CPVL: variants seen among roughly 807,000 people sequenced by gnomAD.
CPVL encodes carboxypeptidase vitellogenic like, also known as probable serine carboxypeptidase CPVL.
In CPVL, 51 loss-of-function variants were observed where a neutral mutation model predicts 63.7. That is an observed-to-expected ratio of 0.80 (90% CI 0.64 to 1.01). The LOEUF is 1.01. Among genes scored for constraint, CPVL ranks in the 50% least tolerant of loss-of-function variants. The probability of loss-of-function intolerance (pLI) is 0.00; values close to 1 mark genes in which losing one functional copy is unlikely to be tolerated. For synonymous variants in CPVL, 195 were observed against 206.0 expected (o/e 0.95, Z 0.46); for missense variants, 530 against 573.1 (o/e 0.92, Z 0.77).
Position 29,066,144 on chromosome 7 carries a change from A to T in CPVL, c.865-23T>A, listed in dbSNP as rs1312028879. ...TATCTAGGTTGGGAGAGAGGGAGAAAGAAAGAAAGAAAGAAAACATCAGTG... is the reference window on the plus strand; with the variant it reads ...TATCTAGGTTGGGAGAGAGGGAGAATGAAAGAAAGAAAGAAAACATCAGTG... On this transcript the variant is annotated intron_variant, in intron 9 of 12. Transcript: ENST00000265394. 4.4e-6 allele frequency: 5 copies of T among 1,138,788 alleles called. No homozygotes were observed. The East Asian group carries it at 7.1e-5, about 16-fold the overall frequency. 70.5% of individuals were successfully genotyped at this position (1,138,788 alleles called of 1,614,324 possible).
At chr7:29,044,073 T>C (rs1408147974) in intron 11 of CPVL, among the ~76,000 whole-genome samples, 1 of 152,138 alleles carries the variant, frequency 6.6e-6, no homozygotes, top group African/African-American at 2.4e-5. Flanking sequence ...CCATCTGATG[T>C]GTGACCGTGA....
At chr7:29,106,019 A>G (rs1787682855) in intron 3 of CPVL, among the ~76,000 whole-genome samples, 1 of 152,212 alleles carries the variant, frequency 6.6e-6, no homozygotes, top group Admixed American at 6.5e-5. Context: ...GCTGCTGTCC[A>G]GACCTCGGTG....
At chr7:29,063,966 TAA>T (rs373756974) in intron 11 of CPVL, 93 bp downstream of exon 11, 6,281 of 673,134 alleles carry the variant, frequency 9.3e-3, no homozygotes, top group South Asian at 0.014. Flanking sequence ...TCATAAAAGT[TAA>T]AAAAAAAAAA....
At chr7:29,074,630 A>C (rs754386487) in intron 7 of CPVL, among the ~76,000 whole-genome samples, 4 of 151,724 alleles carry the variant, frequency 2.6e-5, no homozygotes, top group Non-Finnish European at 5.9e-5. Flanking sequence ...AGGTGATTGG[A>C]TCATGGGGGC....
intron 1 of CPVL, among the ~76,000 whole-genome samples, chr7:29,142,560 T>C: frequency 6.7e-6 from 1 of 149,972 alleles, no homozygotes; most frequent in Admixed American, 6.7e-5. Flanking sequence ...ACAGTCTTGC[T>C]CTGTTGCCCA....
intron 11 of CPVL, among the ~76,000 whole-genome samples, chr7:29,061,388 G>A (rs1158197769): frequency 6.6e-6 from 1 of 152,128 alleles, no homozygotes; most frequent in Non-Finnish European, 1.5e-5. Flanking sequence ...ATTCCAGCCT[G>A]AGCAACAGAG....
intron 11 of CPVL, 29 bp downstream of exon 11, chr7:29,064,032 T>C (rs367589238): frequency 6.5e-7 from 1 of 1,537,056 alleles, no homozygotes; most frequent in Admixed American, 1.7e-5. Flanking sequence ...TGAAAGTTCC[T>C]AAAATAGTAA....
At chr7:29,029,514 A>C (rs1787813140) in intron 12 of CPVL, among the ~76,000 whole-genome samples, 1 of 152,212 alleles carries the variant, frequency 6.6e-6, no homozygotes, top group African/African-American at 2.4e-5. Context: ...ACATGGATGG[A>C]ACTGGAGGTC....
chr7:29,057,365 T>C (rs1480567418), intron 11 of CPVL, among the ~76,000 whole-genome samples: 1 of 152,220 alleles, frequency 6.6e-6, no homozygotes, highest in East Asian at 1.9e-4. Context: ...TGTTGAGCTA[T>C]AAGGGTTTTT....
At chr7:29,116,074 A>T (rs1788749815) in intron 2 of CPVL, among the ~76,000 whole-genome samples, 1 of 152,196 alleles carries the variant, frequency 6.6e-6, no homozygotes, top group South Asian at 2.1e-4. Flanking sequence ...CACACCTAAG[A>T]CATTCAATAA....
intron 12 of CPVL, among the ~76,000 whole-genome samples, chr7:29,006,041 C>A (rs112242514): frequency 6.6e-6 from 1 of 152,112 alleles, no homozygotes; most frequent in African/African-American, 2.4e-5. Context: ...AAACAAGAGC[C>A]GGCTAACCTG....
At chr7:29,034,293 G>A (rs1426955655) in intron 11 of CPVL, among the ~76,000 whole-genome samples, 1 of 152,098 alleles carries the variant, frequency 6.6e-6, no homozygotes, top group African/African-American at 2.4e-5. Context: ...ATTTTGTAGA[G>A]ACGGGGTTTC....
chr7:29,003,469 GA>G (rs1159866799), intron 12 of CPVL, among the ~76,000 whole-genome samples: 1 of 152,162 alleles, frequency 6.6e-6, no homozygotes, highest in Non-Finnish European at 1.5e-5. Flanking sequence ...AAAGAAGTAC[GA>G]AAGACTGTTC....
At chr7:29,031,846 A>C (rs1224500244) in intron 11 of CPVL, among the ~76,000 whole-genome samples, 1 of 152,180 alleles carries the variant, frequency 6.6e-6, no homozygotes, top group Non-Finnish European at 1.5e-5. Context: ...CTTATCACAT[A>C]ATGTTAAGTA....
intron 12 of CPVL, among the ~76,000 whole-genome samples, chr7:29,027,358 C>T (rs552996305): frequency 1.3e-5 from 2 of 151,956 alleles, no homozygotes; most frequent in Admixed American, 1.3e-4. Flanking sequence ...AGGCCATATA[C>T]AACAAACATC....
At chr7:29,124,312 T>G (rs1789741646) in intron 1 of CPVL, among the ~76,000 whole-genome samples, 1 of 152,132 alleles carries the variant, frequency 6.6e-6, no homozygotes, top group Non-Finnish European at 1.5e-5. Flanking sequence ...CATACCTACT[T>G]GAAATAATAT....
intron 7 of CPVL, 100 bp downstream of exon 7, chr7:29,086,384 G>T: frequency 1.2e-6 from 1 of 809,880 alleles, no homozygotes; most frequent in Non-Finnish European, 2.1e-6. Flanking sequence ...ATGTGTACAT[G>T]TATATACATA....
chr7:29,076,802 T>C (rs62442647), intron 7 of CPVL, among the ~76,000 whole-genome samples: 6 of 152,200 alleles, frequency 3.9e-5, no homozygotes, highest in African/African-American at 1.2e-4. Context: ...ATCAGAAGGA[T>C]CTCAGAATTC....
At chr7:29,127,953 A>C (rs1401650653) in intron 1 of CPVL, 1 of 151,500 alleles carries the variant, frequency 6.6e-6, no homozygotes, top group Non-Finnish European at 1.5e-5. Flanking sequence ...AACTTACATT[A>C]AATATAACTT....
Sources: allele counts gnomAD v4.1 joint callset (sites outside exome capture counted in the v4.1 genomes callset), GRCh38; gene constraint gnomAD v4.1.1; transcripts MANE v1.5; gene names NCBI Gene and HGNC (gene_info 2026-07-23, HGNC 2026-07-21).